Variants in LAMA3 observed in about 807,000 individuals in gnomAD.
LAMA3 encodes the protein laminin subunit alpha-3.
In LAMA3, 281 loss-of-function variants were observed where a neutral mutation model predicts 402.0. The ratio of observed to expected loss-of-function variants is 0.70; its 90% CI spans 0.63 to 0.77. LAMA3 has a LOEUF of 0.77. Ranked by LOEUF, LAMA3 falls within the 30% of genes least tolerant of loss-of-function variation. LAMA3 has a pLI of 0.00. For synonymous variants in LAMA3, 1,431 were observed against 1,558.4 expected (o/e 0.92, Z 1.93); for missense variants, 3,840 against 4,215.5 (o/e 0.91, Z 2.47).
rs150357046 is a variant in LAMA3 at position 23,758,167 on chromosome 18, A to C, written c.948-229A>C. On this transcript the variant is annotated intron_variant, in intron 6 of 74. Coordinates refer to ENST00000313654, the MANE Select transcript of LAMA3 (RefSeq NM_198129.4). ...TATCACTGCCTGACCCTTGGCAGGTATCTTAATACCTCTGATTCTCAGTCT... is the reference window on the plus strand; with the variant it reads ...TATCACTGCCTGACCCTTGGCAGGTCTCTTAATACCTCTGATTCTCAGTCT... Among the ~76,000 whole-genome samples, 322 of 152,360 alleles carry C rather than the reference A, an allele frequency of 2.1e-3. 1 individual carries two copies. Among genetic ancestry groups the C allele is most frequent in the African/African-American group, 7.5e-3 (310 of 41,584 alleles).
rs1363695901 is a variant in LAMA3, at chr18:23,773,597, A to T, written c.1273+10A>T. ...CCTGATGGCTGCATCCGTAAGTTTC[A>T]TTTCAAGTTGGTGTATCTTAGCCTG... On this transcript the variant is annotated intron_variant, in intron 9 of 74. Transcript: ENST00000313654. The T allele has an allele frequency of 6.4e-7, 1 of 1,552,762 alleles. No individual in the cohort carries two copies. Among genetic ancestry groups the T allele is most frequent in the Non-Finnish European group, 8.8e-7 (1 of 1,138,948 alleles).
intron 41 of LAMA3, among the ~76,000 whole-genome samples, 168 bp downstream of exon 41, chr18:23,885,021 A>G (rs954783778): frequency 3.3e-5 from 5 of 152,110 alleles, no homozygotes; most frequent in African/African-American, 9.7e-5. Flanking sequence ...TAAATCATTA[A>G]TATCATTCTC....
chr18:23,907,811 C>G lies in LAMA3; in HGVS notation c.6891C>G (p.Asp2297Glu). The change falls in exon 54 of 75, where the codon GAC (aspartate) becomes GAG (glutamate). Residue 2297 changes from aspartate (D) to glutamate (E), a missense_variant. Around this residue, in one of 3 missense-constraint regions of LAMA3, gnomAD observed 891 missense variants for 857.5 expected, o/e 1.04. Coordinates refer to ENST00000313654, the MANE Select transcript of LAMA3 (RefSeq NM_198129.4). The part of the protein sequence containing the change: ...SAKSMVRKAN[D>E]ITDEVLDGLN... The stretch of plus-strand genomic sequence containing the variant: ...AGAGCATGGTCAGAAAGGCCAACGA[C>G]ATCACAGATGAGGTTCTGGATGGGC... 1.9e-6 allele frequency: 3 copies of G among 1,614,178 alleles called. No homozygotes were observed. The highest frequency in any genetic ancestry group is 2.5e-6 in the Non-Finnish European group (3 of 1,180,016).
At chr18:23,909,394 G>A (rs1337230239) in intron 55 of LAMA3, 99 bp downstream of exon 55, 5 of 1,165,054 alleles carry the variant, frequency 4.3e-6, no homozygotes, top group Non-Finnish European at 6.3e-6. Flanking sequence ...TCAAGAATTG[G>A]TTGTCTTTCT....
At chr18:23,908,253 G>A (rs952622189) in intron 54 of LAMA3, among the ~76,000 whole-genome samples, 1 of 152,128 alleles carries the variant, frequency 6.6e-6, no homozygotes, top group Non-Finnish European at 1.5e-5. Context: ...TGTGTTTTCT[G>A]TGCGCTGTGG....
chr18:23,876,215 A>G, intron 38 of LAMA3, 79 bp from the exon 39 acceptor site: 1 of 922,200 alleles, frequency 1.1e-6, no homozygotes, highest in South Asian at 1.4e-5. Context: ...TGAATGCTTC[A>G]CAGTGAGAGG....
In LAMA3 at chr18:23,890,186, C is replaced by A; in HGVS notation, c.5410+69C>A. ...GGTATAACTTAACAGCCTAAGAACC[C>A]AAGCACACATCTTCAGGATGCATAA... On this transcript the variant is annotated intron_variant, in intron 42 of 74. Transcript: ENST00000313654. 5 of 997,140 alleles carry A rather than the reference C, an allele frequency of 5.0e-6. No individual in the cohort carries two copies. The South Asian group carries it at 6.4e-5, about 13-fold the overall frequency. The allele number at this position is 997,140 out of a possible 1,614,324, so 61.8% of individuals were successfully genotyped here.
intron 12 of LAMA3, among the ~76,000 whole-genome samples, chr18:23,794,530 A>C (rs1231862730): frequency 1.3e-5 from 2 of 152,038 alleles, no homozygotes; most frequent in Non-Finnish European, 2.9e-5. Context: ...TTTCCTGCCT[A>C]CTGTGGGATT....
chr18:23,939,986 G>A (rs2082440620), intron 68 of LAMA3, among the ~76,000 whole-genome samples: 1 of 152,216 alleles, frequency 6.6e-6, no homozygotes, highest in Admixed American at 6.5e-5. Context: ...ATTGCCCGGG[G>A]GGCTAAAAGG....
chr18:23,726,845 C>T (rs531046208), intron 2 of LAMA3, among the ~76,000 whole-genome samples: 9 of 152,130 alleles, frequency 5.9e-5, no homozygotes, highest in African/African-American at 1.7e-4. Context: ...CTTGAGCTCC[C>T]GGCCTCAAGT....
rs2081635926 is a variant in LAMA3, at chr18:23,916,671, C to T, written c.7899C>T (p.Gly2633=). 5.0e-6 allele frequency: 8 copies of T among 1,614,138 alleles called. No individual in the cohort carries two copies. Among genetic ancestry groups the T allele is most frequent in the East Asian group, 2.2e-5 (1 of 44,880 alleles). The change falls in exon 60 of 75, where the codon GGC becomes GGT. Residue 2633 remains glycine, a synonymous_variant. Transcript: ENST00000313654. The part of the protein sequence containing the change: ...GQTIQTTVDR[G]LLFFAENGDR... ...CAATTCAGACCACCGTGGATAGAGG[C>T]TTGCTGTTCTTTGCAGAAAACGGGG...
At chr18:23,902,492 C>G (rs1318354145) in intron 48 of LAMA3, among the ~76,000 whole-genome samples, 1 of 152,120 alleles carries the variant, frequency 6.6e-6, no homozygotes, top group African/African-American at 2.4e-5. Flanking sequence ...TGCTTAGCTC[C>G]CAAAGCCTCT....
At chr18:23,939,988 G>A (rs1049868368) in intron 68 of LAMA3, among the ~76,000 whole-genome samples, 6 of 152,238 alleles carry the variant, frequency 3.9e-5, no homozygotes, top group Admixed American at 3.3e-4. Flanking sequence ...TGCCCGGGGG[G>A]CTAAAAGGAG....
chr18:23,950,243 A>G, intron 72 of LAMA3, 84 bp downstream of exon 72: 2 of 1,481,338 alleles, frequency 1.4e-6, no homozygotes, highest in Non-Finnish European at 1.9e-6. Context: ...GGTTTGTAGT[A>G]GAGAATGGGA....
intron 11 of LAMA3, among the ~76,000 whole-genome samples, chr18:23,782,749 C>T (rs900009248): frequency 2.6e-5 from 4 of 150,988 alleles, no homozygotes; most frequent in African/African-American, 9.7e-5. Flanking sequence ...GACTCTGCTT[C>T]CCTGGCTGTG....
intron 68 of LAMA3, among the ~76,000 whole-genome samples, chr18:23,940,641 C>T (rs918707897): frequency 2.0e-5 from 3 of 152,204 alleles, no homozygotes; most frequent in Admixed American, 6.5e-5. Flanking sequence ...GAAGCCCACT[C>T]AGCAAGCTGT....
At position 23,896,845 on chromosome 18, in the gene LAMA3, G is replaced by A. The variant is rs147481666; in HGVS notation, c.5613+1787G>A. ...GTCCTAGACCGTGGGTTGGAGGTTC[G>A]AGTAGGGGTGGTGATAAGCATAAGA... On this transcript the variant is annotated intron_variant, in intron 44 of 74. Transcript: ENST00000313654. Among the ~76,000 whole-genome samples the A allele has an allele frequency of 2.1e-4, 32 of 152,226 alleles. 1 individual carries two copies. The highest frequency in any genetic ancestry group is 6.5e-4 in the African/African-American group (27 of 41,536).
intron 39 of LAMA3, among the ~76,000 whole-genome samples, chr18:23,881,731 G>A (rs948370532): frequency 2.0e-5 from 3 of 152,144 alleles, no homozygotes; most frequent in Non-Finnish European, 4.4e-5. Flanking sequence ...GTTAAGCACC[G>A]CGTCACTGAG....
chr18:23,716,660 C>T (rs1486223712), intron 2 of LAMA3, among the ~76,000 whole-genome samples: 1 of 152,010 alleles, frequency 6.6e-6, no homozygotes, highest in Non-Finnish European at 1.5e-5. Context: ...AACATAGGAA[C>T]AGTTCAGTAC....
Sources: allele counts gnomAD v4.1 joint callset (sites outside exome capture counted in the v4.1 genomes callset), GRCh38; gene constraint gnomAD v4.1.1; regional missense constraint gnomAD v4.1.1; transcripts MANE v1.5; gene names NCBI Gene and HGNC (gene_info 2026-07-23, HGNC 2026-07-21).